The following CNTN5 variants were observed in gnomAD, a reference collection of about 807,000 sequenced individuals.
CNTN5 encodes contactin 5, also known as contactin-5.
CNTN5 carries 77 observed loss-of-function variants against 129.1 expected under a neutral mutation model. The ratio of observed to expected loss-of-function variants is 0.60; its 90% CI spans 0.50 to 0.72. The LOEUF is 0.72. Among genes scored for constraint, CNTN5 ranks in the 30% least tolerant of loss-of-function variants. The probability of loss-of-function intolerance (pLI) is 0.00; values close to 1 mark genes in which losing one functional copy is unlikely to be tolerated. For missense variants in CNTN5, 1,478 were observed against 1,328.8 expected (o/e 1.11, Z -1.75); for synonymous variants, 509 against 465.6 (o/e 1.09, Z -1.20).
intron 4 of CNTN5, among the ~76,000 whole-genome samples, chr11:99,842,126 C>T (rs1350216245): frequency 6.6e-6 from 1 of 151,990 alleles, no homozygotes; most frequent in Non-Finnish European, 1.5e-5. Context: ...AACTACTGAC[C>T]TCAGATGATG....
chr11:99,252,912 A>C (rs1296139295), intron 1 of CNTN5, among the ~76,000 whole-genome samples: 1 of 151,014 alleles, frequency 6.6e-6, no homozygotes, highest in Non-Finnish European at 1.5e-5. Context: ...TGTCTTCTTC[A>C]TTAATATTCT....
At chr11:100,230,895 G>A (rs953008401) in intron 16 of CNTN5, among the ~76,000 whole-genome samples, 6 of 152,168 alleles carry the variant, frequency 3.9e-5, no homozygotes, top group African/African-American at 1.4e-4. Flanking sequence ...ATTGTAAGAT[G>A]AAATTGTATT....
intron 3 of CNTN5, among the ~76,000 whole-genome samples, chr11:99,714,822 C>G (rs1591521288): frequency 6.8e-6 from 1 of 147,322 alleles, no homozygotes; most frequent in African/African-American, 2.5e-5. Flanking sequence ...TATATCAAAC[C>G]ACTTAGCCTG....
chr11:100,127,850 A>G (rs1565267142), intron 13 of CNTN5, among the ~76,000 whole-genome samples: 1 of 151,420 alleles, frequency 6.6e-6, no homozygotes, highest in Non-Finnish European at 1.5e-5. Flanking sequence ...TAGTAAAGAC[A>G]AAGTTTCACC....
intron 2 of CNTN5, among the ~76,000 whole-genome samples, chr11:99,424,775 C>T (rs1943047415): frequency 6.6e-6 from 1 of 152,228 alleles, no homozygotes; most frequent in Admixed American, 6.5e-5. Context: ...TAAGCAGGGA[C>T]ATGTTTCAGC....
chr11:99,688,904 A>G (rs1323501134), intron 3 of CNTN5, among the ~76,000 whole-genome samples: 1 of 152,064 alleles, frequency 6.6e-6, no homozygotes, highest in Middle Eastern at 3.2e-3. Flanking sequence ...AATTGCCTAC[A>G]TTTCAATCCA....
chr11:99,480,235 T>G (rs1204585418), intron 2 of CNTN5, among the ~76,000 whole-genome samples: 1 of 152,190 alleles, frequency 6.6e-6, no homozygotes, highest in East Asian at 1.9e-4. Flanking sequence ...CTCCTTTTAT[T>G]ATCTTCTCCA....
intron 2 of CNTN5, among the ~76,000 whole-genome samples, chr11:99,483,841 G>A (rs1945701786): frequency 6.6e-6 from 1 of 152,068 alleles, no homozygotes; most frequent in Non-Finnish European, 1.5e-5. Flanking sequence ...GGTGCTAAAA[G>A]TAGATATCCA....
At chr11:99,975,319 C>T (rs746461168) in intron 8 of CNTN5, among the ~76,000 whole-genome samples, 25 of 152,220 alleles carry the variant, frequency 1.6e-4, no homozygotes, top group Admixed American at 4.6e-4. Flanking sequence ...GGCTCGTTTT[C>T]GGACTTGCAT....
At chr11:99,178,147 C>T (rs1857868438) in intron 1 of CNTN5, among the ~76,000 whole-genome samples, 1 of 150,918 alleles carries the variant, frequency 6.6e-6, no homozygotes, top group African/African-American at 2.4e-5. Flanking sequence ...ATAGACTCAA[C>T]TAGCAACTAA....
chr11:99,601,905 T>C (rs2135706959), intron 3 of CNTN5, among the ~76,000 whole-genome samples: 1 of 152,334 alleles, frequency 6.6e-6, no homozygotes, highest in South Asian at 2.1e-4. Context: ...GCCATATACC[T>C]TTTTAATCAT....
intron 18 of CNTN5, among the ~76,000 whole-genome samples, chr11:100,294,693 G>A (rs1275179169): frequency 6.6e-6 from 1 of 151,464 alleles, no homozygotes; most frequent in Non-Finnish European, 1.5e-5. Flanking sequence ...TCTGGACTCA[G>A]CAAAAGCATT....
chr11:99,994,952 A>AG, intron 8 of CNTN5, among the ~76,000 whole-genome samples: 1 of 152,298 alleles, frequency 6.6e-6, no homozygotes, highest in East Asian at 1.9e-4. Flanking sequence ...TATAGTATGG[A>AG]GGGGCATGGG....
At chr11:99,375,731 T>G (rs1940142851) in intron 2 of CNTN5, among the ~76,000 whole-genome samples, 1 of 152,184 alleles carries the variant, frequency 6.6e-6, no homozygotes, top group African/African-American at 2.4e-5. Context: ...CTATACTAGC[T>G]TCCTTACACT....
intron 13 of CNTN5, among the ~76,000 whole-genome samples, chr11:100,142,061 T>C (rs1397423569): frequency 6.6e-6 from 1 of 152,124 alleles, no homozygotes; most frequent in East Asian, 1.9e-4. Context: ...CTCTTGCCCT[T>C]GGACATCAGA....
chr11:99,794,757 T>G (rs1945873094), intron 3 of CNTN5, among the ~76,000 whole-genome samples: 1 of 152,002 alleles, frequency 6.6e-6, no homozygotes, highest in African/African-American at 2.4e-5. Context: ...GCTCCCTATG[T>G]TTTCTGGCTT....
At chr11:99,443,777 T>C (rs1470308803) in intron 2 of CNTN5, among the ~76,000 whole-genome samples, 1 of 152,164 alleles carries the variant, frequency 6.6e-6, no homozygotes, top group African/African-American at 2.4e-5. Context: ...AAATACTTGT[T>C]TATGGGTCAT....
At chr11:99,850,045 C>T (rs1161103355) in intron 6 of CNTN5, among the ~76,000 whole-genome samples, 1 of 152,062 alleles carries the variant, frequency 6.6e-6, no homozygotes, top group South Asian at 2.1e-4. Flanking sequence ...AATAAGCATG[C>T]AATCATAGTG....
intron 3 of CNTN5, among the ~76,000 whole-genome samples, chr11:99,816,423 C>T (rs1197720180): frequency 1.3e-5 from 2 of 152,154 alleles, no homozygotes; most frequent in Non-Finnish European, 2.9e-5. Flanking sequence ...GTCCTGGAGG[C>T]ACCATAGGCT....
Sources: allele counts gnomAD v4.1 joint callset (sites outside exome capture counted in the v4.1 genomes callset), GRCh38; gene constraint gnomAD v4.1.1; transcripts MANE v1.5; gene names NCBI Gene and HGNC (gene_info 2026-07-23, HGNC 2026-07-21).